The following KIF16B variants were observed in gnomAD, a reference collection of about 807,000 sequenced individuals.
KIF16B encodes kinesin-like protein KIF16B.
Under a neutral mutation model 156.3 loss-of-function variants are expected in KIF16B, and 98 were observed. That is an observed-to-expected ratio of 0.63 (90% CI 0.53 to 0.74). KIF16B has a LOEUF of 0.74. Among genes scored for constraint, KIF16B ranks in the 30% least tolerant of loss-of-function variants. KIF16B has a pLI of 0.00. For synonymous variants in KIF16B, 564 were observed against 583.7 expected (o/e 0.97, Z 0.49); for missense variants, 1,421 against 1,606.5 (o/e 0.88, Z 1.97).
intron 25 of KIF16B, among the ~76,000 whole-genome samples, chr20:16,293,104 C>T (rs2063336306): frequency 6.6e-6 from 1 of 152,064 alleles, no homozygotes; most frequent in South Asian, 2.1e-4. Context: ...ATTCCAGAAA[C>T]AACAGGAAAA....
chr20:16,384,017 G>T (rs893392082), intron 17 of KIF16B, among the ~76,000 whole-genome samples: 2 of 152,202 alleles, frequency 1.3e-5, no homozygotes, highest in African/African-American at 4.8e-5. Flanking sequence ...GACAAAGCAG[G>T]AAACTGAGGC....
At chr20:16,562,831 C>G (rs1465659506) in intron 1 of KIF16B, among the ~76,000 whole-genome samples, 1 of 152,132 alleles carries the variant, frequency 6.6e-6, no homozygotes, top group African/African-American at 2.4e-5. Context: ...TGAGACAGAA[C>G]CTGATCCTTC....
At chr20:16,507,924 G>C (rs1320980436) in intron 7 of KIF16B, 34 bp downstream of exon 7, 27 of 1,612,882 alleles carry the variant, frequency 1.7e-5, no homozygotes, top group Non-Finnish European at 2.3e-5. Context: ...AAGACCTCAG[G>C]GATGGAGCCA....
intron 1 of KIF16B, among the ~76,000 whole-genome samples, chr20:16,540,146 G>A (rs1440684009): frequency 6.6e-6 from 1 of 152,214 alleles, no homozygotes; most frequent in Non-Finnish European, 1.5e-5. Context: ...AGAGCAAGCA[G>A]CAAAACAGTG....
At chr20:16,308,766 C>G (rs2063576637) in intron 25 of KIF16B, among the ~76,000 whole-genome samples, 1 of 152,256 alleles carries the variant, frequency 6.6e-6, no homozygotes. Context: ...TCCACCATTT[C>G]TGGTCTACAA....
chr20:16,380,578 G>A (rs2065070659), intron 18 of KIF16B, among the ~76,000 whole-genome samples: 1 of 152,214 alleles, frequency 6.6e-6, no homozygotes, highest in African/African-American at 2.4e-5. Context: ...TGCTTATGCT[G>A]TCCTCATCTC....
Position 16,573,254 on chromosome 20 carries a change from C to G in KIF16B, c.22G>C (p.Val8Leu). The G allele has an allele frequency of 6.2e-7, 1 of 1,606,636 alleles. No homozygotes were observed. The highest frequency in any genetic ancestry group is 1.3e-5 in the African/African-American group (1 of 74,848). ...CTGCGATTCATGGGCCGGACCCTCA[C>G]GGCCACCTTGACCGATGCCATCGCT... The part of the protein sequence containing the change: MASVKVA[V>L]RVRPMNRREK... Residue 8 changes from valine (V) to leucine (L), a missense_variant, in exon 1 of 26, where the codon GTG becomes CTG. Val to Leu is a conservative substitution (Grantham distance 32). Transcript: ENST00000354981.
intron 23 of KIF16B, among the ~76,000 whole-genome samples, chr20:16,337,072 G>T (rs1257944736): frequency 6.6e-6 from 1 of 152,164 alleles, no homozygotes; most frequent in Non-Finnish European, 1.5e-5. Context: ...CATAGAAAAA[G>T]ACCTACATTT....
Position 16,507,994 on chromosome 20 carries a change from G to A in KIF16B, c.663C>T (p.Ser221=), listed in dbSNP as rs759901465. The change falls in exon 7 of 26, where the codon AGC becomes AGT. Residue 221 remains serine, a synonymous_variant. Coordinates refer to ENST00000354981, the MANE Select transcript of KIF16B (RefSeq NM_024704.5). ...TGATGGTGAAGATGGCATGAGACCT[G>A]CTACTGACGTCGTTCATCCCAGTCG... ...TAATGMNDVS[S]RSHAIFTIKF... is the part of the protein sequence containing the mutation. 2 of 1,614,040 alleles carry A rather than the reference G, an allele frequency of 1.2e-6. No individual in the cohort carries two copies. Among genetic ancestry groups the A allele is most frequent in the East Asian group, 2.2e-5 (1 of 44,888 alleles).
chr20:16,559,099 C>A lies in KIF16B; in HGVS notation c.47+14130G>T, dbSNP rs2070963563. 2.0e-5 allele frequency among the ~76,000 whole-genome samples: 3 copies of A among 151,822 alleles called. No homozygotes were observed. The South Asian group carries it at 6.3e-4, about 32-fold the overall frequency. On this transcript the variant is annotated intron_variant, in intron 1 of 25. Coordinates refer to ENST00000354981, the MANE Select transcript of KIF16B (RefSeq NM_024704.5). ...CCCTATAGGCATTGAGTTTGCAACC[C>A]TTGTACTATATATTTAACTAATTCT...
At chr20:16,567,706 T>C (rs570728985) in intron 1 of KIF16B, among the ~76,000 whole-genome samples, 2 of 152,250 alleles carry the variant, frequency 1.3e-5, no homozygotes, top group East Asian at 3.9e-4. Context: ...ATACCAGCAC[T>C]TGGGGAGGCT....
intron 24 of KIF16B, among the ~76,000 whole-genome samples, chr20:16,325,207 G>C (rs1358115296): frequency 6.6e-6 from 1 of 151,964 alleles, no homozygotes; most frequent in Non-Finnish European, 1.5e-5. Flanking sequence ...ACTGAACAGA[G>C]AAAAGGTGAA....
chr20:16,551,669 A>G (rs1359008014), intron 1 of KIF16B, among the ~76,000 whole-genome samples: 3 of 152,228 alleles, frequency 2.0e-5, no homozygotes, highest in Non-Finnish European at 2.9e-5. Flanking sequence ...CAGTTTGCAG[A>G]CAGAAATGAA....
chr20:16,523,609 C>T (rs1478101817), intron 3 of KIF16B, among the ~76,000 whole-genome samples: 1 of 152,076 alleles, frequency 6.6e-6, no homozygotes, highest in Non-Finnish European at 1.5e-5. Flanking sequence ...CCATACTGCC[C>T]AAAGTTACTT....
chr20:16,551,796 G>A (rs1228490902), intron 1 of KIF16B, among the ~76,000 whole-genome samples: 2 of 152,128 alleles, frequency 1.3e-5, no homozygotes, highest in Non-Finnish European at 2.9e-5. Flanking sequence ...CCTCATTTCT[G>A]TGGCTCAGCT....
At chr20:16,343,214 C>T (rs1601604822) in intron 23 of KIF16B, among the ~76,000 whole-genome samples, 1 of 152,146 alleles carries the variant, frequency 6.6e-6, no homozygotes, top group Admixed American at 6.5e-5. Flanking sequence ...AATGATCAAG[C>T]GCAACTTAAA....
chr20:16,520,954 AAAAC>A (rs2069328129), intron 3 of KIF16B, among the ~76,000 whole-genome samples: 3 of 152,334 alleles, frequency 2.0e-5, no homozygotes, highest in Admixed American at 2.0e-4. Flanking sequence ...TGTTAGAAGG[AAAAC>A]AAACAAACAG....
chr20:16,430,122 G>A (rs77645419), intron 12 of KIF16B, 140 bp from the exon 13 acceptor site: 7 of 882,298 alleles, frequency 7.9e-6, no homozygotes, highest in South Asian at 7.9e-5. Flanking sequence ...CTTAAACTTC[G>A]TGTTGAAATC....
At chr20:16,278,303 T>C (rs181046884) in intron 25 of KIF16B, among the ~76,000 whole-genome samples, 4 of 152,110 alleles carry the variant, frequency 2.6e-5, no homozygotes, top group South Asian at 4.1e-4. Context: ...CACAACAACG[T>C]TGGAGACGGG....
Sources: gnomAD v4.1 joint callset for allele counts (sites outside exome capture counted in the v4.1 genomes callset) on GRCh38, gnomAD v4.1.1 for gene constraint, MANE v1.5 for transcripts, NCBI Gene and HGNC (gene_info 2026-07-23, HGNC 2026-07-21) for gene names.